Variants in ANKS1B observed in about 807,000 individuals in gnomAD.
The protein encoded by ANKS1B is ankyrin repeat and sterile alpha motif domain-containing protein 1B.
Under a neutral mutation model 148.3 loss-of-function variants are expected in ANKS1B, and 36 were observed. That is an observed-to-expected ratio of 0.24 (90% confidence interval 0.19 to 0.32). The LOEUF (loss-of-function observed/expected upper bound fraction) is 0.32, where lower values mean the gene tolerates loss of function less well. Among genes scored for constraint, ANKS1B ranks in the 10% least tolerant of loss-of-function variants. The pLI is 1.00. For synonymous variants in ANKS1B, 542 were observed against 560.8 expected (o/e 0.97, Z 0.47); for missense variants, 1,157 against 1,542.6 (o/e 0.75, Z 4.19).
At chr12:98,897,300 A>G (rs1166870196) in intron 17 of ANKS1B, among the ~76,000 whole-genome samples, 1 of 152,198 alleles carries the variant, frequency 6.6e-6, no homozygotes, top group Non-Finnish European at 1.5e-5. Flanking sequence ...CAACCTTCAG[A>G]ATGGGAGAAA....
chr12:99,528,871 A>G (rs779948062), intron 9 of ANKS1B, among the ~76,000 whole-genome samples: 1 of 152,184 alleles, frequency 6.6e-6, no homozygotes, highest in Non-Finnish European at 1.5e-5. Context: ...ATTATTAGAA[A>G]CATTTGGTGT....
chr12:99,497,862 C>T (rs1037316672), intron 10 of ANKS1B, among the ~76,000 whole-genome samples: 11 of 152,128 alleles, frequency 7.2e-5, no homozygotes, highest in South Asian at 2.1e-4. Context: ...CCCCCACCTC[C>T]ACCACCCTGT....
chr12:98,806,464 A>G (rs2099051702), intron 20 of ANKS1B, among the ~76,000 whole-genome samples: 1 of 152,194 alleles, frequency 6.6e-6, no homozygotes, highest in Admixed American at 6.5e-5. Context: ...AACTAAAATG[A>G]TTTTAAAGGA....
chr12:99,366,939 G>A (rs1420792020), intron 12 of ANKS1B, among the ~76,000 whole-genome samples: 1 of 152,112 alleles, frequency 6.6e-6, no homozygotes, highest in African/African-American at 2.4e-5. Context: ...TATCACAGGA[G>A]AAGGTCTAAT....
intron 17 of ANKS1B, among the ~76,000 whole-genome samples, chr12:99,043,424 A>G: frequency 6.6e-6 from 1 of 152,236 alleles, no homozygotes; most frequent in East Asian, 1.9e-4. Context: ...CTGGCAGTGA[A>G]TAATTTCTGT....
At chr12:99,185,704 T>C (rs1440680820) in intron 14 of ANKS1B, among the ~76,000 whole-genome samples, 1 of 152,170 alleles carries the variant, frequency 6.6e-6, no homozygotes, top group African/African-American at 2.4e-5. Flanking sequence ...GAACGGTGCA[T>C]TCTGGCCCAG....
At chr12:98,887,320 A>G (rs1189184225) in intron 17 of ANKS1B, among the ~76,000 whole-genome samples, 1 of 152,178 alleles carries the variant, frequency 6.6e-6, no homozygotes, top group Admixed American at 6.5e-5. Flanking sequence ...TTTTATCTAC[A>G]CAGGTGATTT....
chr12:99,628,096 T>C (rs1414031562), intron 9 of ANKS1B, among the ~76,000 whole-genome samples: 1 of 152,158 alleles, frequency 6.6e-6, no homozygotes, highest in Admixed American at 6.5e-5. Context: ...TAGGTTATGG[T>C]ATGGCCTATT....
chr12:99,969,808 T>C (rs922128745), intron 1 of ANKS1B, among the ~76,000 whole-genome samples: 1 of 152,208 alleles, frequency 6.6e-6, no homozygotes, highest in Non-Finnish European at 1.5e-5. Flanking sequence ...TTGAAAGATA[T>C]CTGGGATCAG....
intron 17 of ANKS1B, among the ~76,000 whole-genome samples, chr12:98,985,708 G>A (rs533000295): frequency 6.6e-6 from 1 of 151,818 alleles, no homozygotes; most frequent in Admixed American, 6.6e-5. Context: ...CTAAGATGTT[G>A]TAAACCTCTC....
At chr12:98,937,284 A>G (rs913044034) in intron 17 of ANKS1B, among the ~76,000 whole-genome samples, 19 of 152,240 alleles carry the variant, frequency 1.2e-4, no homozygotes, top group Admixed American at 7.9e-4. Context: ...ACACACAAAC[A>G]TATATTGGAG....
chr12:98,956,676 G>A (rs2099862692), intron 17 of ANKS1B, among the ~76,000 whole-genome samples: 6 of 151,982 alleles, frequency 3.9e-5, no homozygotes, highest in Admixed American at 3.9e-4. Context: ...AAGCTGTGGG[G>A]GATACAAAGC....
chr12:99,327,369 A>T (rs1463860481), intron 12 of ANKS1B, among the ~76,000 whole-genome samples: 5 of 119,100 alleles, frequency 4.2e-5, no homozygotes, highest in African/African-American at 1.2e-4. Context: ...ATATAATTAC[A>T]TATTATATAT....
intron 14 of ANKS1B, among the ~76,000 whole-genome samples, chr12:99,171,839 T>C (rs968118259): frequency 6.6e-6 from 1 of 152,138 alleles, no homozygotes; most frequent in Non-Finnish European, 1.5e-5. Flanking sequence ...GAGAATTAAG[T>C]CATTGAGCCA....
chr12:99,287,251 A>T, intron 12 of ANKS1B, among the ~76,000 whole-genome samples: 1 of 152,258 alleles, frequency 6.6e-6, no homozygotes, highest in African/African-American at 2.4e-5. Context: ...AAGAGAACAA[A>T]TCTCTGCCTA....
intron 14 of ANKS1B, among the ~76,000 whole-genome samples, chr12:99,244,134 A>G (rs1477198286): frequency 6.6e-6 from 1 of 152,138 alleles, no homozygotes; most frequent in African/African-American, 2.4e-5. Flanking sequence ...AAAATAGCAC[A>G]TGGGAAAAAA....
intron 12 of ANKS1B, among the ~76,000 whole-genome samples, chr12:99,347,086 A>G (rs2090800044): frequency 6.6e-6 from 1 of 151,908 alleles, no homozygotes; most frequent in Admixed American, 6.6e-5. Flanking sequence ...GTTTTGACCT[A>G]TCAGGTGGTT....
chr12:98,845,029 G>A (rs1238908042), intron 17 of ANKS1B, among the ~76,000 whole-genome samples: 4 of 152,180 alleles, frequency 2.6e-5, no homozygotes, highest in African/African-American at 9.6e-5. Flanking sequence ...GAAAGATATG[G>A]CTGTGCCACA....
At chr12:99,087,556 C>T (rs1285187144) in intron 15 of ANKS1B, among the ~76,000 whole-genome samples, 1 of 152,200 alleles carries the variant, frequency 6.6e-6, no homozygotes, top group Non-Finnish European at 1.5e-5. Context: ...CAAATGACTT[C>T]ATTTAGAGAA....
Sources: gnomAD v4.1 joint callset for allele counts (sites outside exome capture counted in the v4.1 genomes callset) on GRCh38, gnomAD v4.1.1 for gene constraint, MANE v1.5 for transcripts, NCBI Gene and HGNC (gene_info 2026-07-23, HGNC 2026-07-21) for gene names.